Variants in KCNK10 observed in about 807,000 individuals in gnomAD.
KCNK10 encodes potassium two pore domain channel subfamily K member 10.
In KCNK10, 25 loss-of-function variants were observed where a neutral mutation model predicts 47.7. That is an observed-to-expected ratio of 0.52 (90% confidence interval 0.38 to 0.73). The LOEUF (loss-of-function observed/expected upper bound fraction) is 0.73. Among genes scored for constraint, KCNK10 ranks in the 30% least tolerant of loss-of-function variants. The pLI is 0.00. For synonymous variants in KCNK10, 303 were observed against 285.6 expected, an observed-to-expected ratio of 1.06 and a Z score of -0.61; for missense variants, 563 against 714.5, an observed-to-expected ratio of 0.79 and a Z score of 2.42.
intron 1 of KCNK10, among the ~76,000 whole-genome samples, chr14:88,264,933 C>T (rs1887213459): frequency 2.0e-5 from 3 of 152,136 alleles, no homozygotes; most frequent in Admixed American, 2.0e-4. Flanking sequence ...TACCACTGCC[C>T]ACATCTCCCA....
intron 1 of KCNK10, among the ~76,000 whole-genome samples, chr14:88,288,809 T>C (rs61977011): frequency 0.27 from 41,808 of 152,056 alleles, 6,809 homozygotes; most frequent in Non-Finnish European, 0.36. Context: ...CCTGGAACAG[T>C]CTTGCCCAGG....
rs186994891 is a variant in KCNK10 at position 88,254,439 on chromosome 14, T to C, written c.402+8763A>G. On this transcript the variant is annotated intron_variant, in intron 2 of 6. Transcript: ENST00000319231. ...CTATGACCAGAAGAAATGGCAGCCA[T>C]GGGACCACTCGAGCTCCCCTGAAGA... is the stretch of plus-strand genomic sequence containing the variant. Among the ~76,000 whole-genome samples, 11 of 152,278 alleles carry C rather than the reference T, an allele frequency of 7.2e-5. No homozygotes were observed. In the East Asian group the frequency reaches 2.1e-3, roughly 29 times the overall value.
upstream of KCNK10, among the ~76,000 whole-genome samples, chr14:88,324,421 C>T (rs1342506843): frequency 6.6e-6 from 1 of 152,140 alleles, no homozygotes; most frequent in African/African-American, 2.4e-5. Flanking sequence ...GAAATACTTG[C>T]TAAATGAAGA....
chr14:88,263,393 C>T lies in KCNK10; in HGVS notation c.211G>A (p.Val71Ile), dbSNP rs748640471. The T allele has an allele frequency of 7.4e-6, 12 of 1,613,996 alleles. No individual in the cohort carries two copies. The highest frequency in any genetic ancestry group is 2.2e-5 in the East Asian group (1 of 44,898). Residue 71 changes from valine (V) to isoleucine (I), a missense_variant, in exon 2 of 7, where the codon GTC becomes ATC. By Grantham distance (29) the Val-to-Ile change is conservative. Transcript: ENST00000319231. ...EGTSQGGLQTVMKWKTVVAIF... is the reference protein window; with the variant it reads ...EGTSQGGLQTIMKWKTVVAIF... ...GCAACCACCGTCTTCCACTTCATGACGGTCTGCAAGCCCCCTTGGGAGGTG... is the reference window on the plus strand; with the variant it reads ...GCAACCACCGTCTTCCACTTCATGATGGTCTGCAAGCCCCCTTGGGAGGTG...
At chr14:88,301,443 G>C (rs1888095997) in intron 1 of KCNK10, among the ~76,000 whole-genome samples, 1 of 151,686 alleles carries the variant, frequency 6.6e-6, no homozygotes, top group East Asian at 1.9e-4. Flanking sequence ...AAATTTTTTA[G>C]TTTTAGTTTA....
chr14:88,304,630 T>G (rs1259569378), intron 1 of KCNK10, among the ~76,000 whole-genome samples: 1 of 152,232 alleles, frequency 6.6e-6, no homozygotes, highest in African/African-American at 2.4e-5. Context: ...CTGTGATCTA[T>G]TTAGTGCCAT....
chr14:88,307,775 A>G (rs1371034690), intron 1 of KCNK10, among the ~76,000 whole-genome samples: 1 of 152,210 alleles, frequency 6.6e-6, no homozygotes, highest in Non-Finnish European at 1.5e-5. Flanking sequence ...AATAAATTAC[A>G]TATTATATGT....
At chr14:88,287,349 G>T (rs961475649) in intron 1 of KCNK10, among the ~76,000 whole-genome samples, 1 of 152,136 alleles carries the variant, frequency 6.6e-6, no homozygotes, top group African/African-American at 2.4e-5. Flanking sequence ...AGGTTTTTGG[G>T]GAAGAGGTGG....
chr14:88,234,860 C>T (rs532324167), intron 3 of KCNK10, among the ~76,000 whole-genome samples: 1 of 152,044 alleles, frequency 6.6e-6, no homozygotes, highest in African/African-American at 2.4e-5. Context: ...TAAGAACTAC[C>T]AAAAGAAGCG....
intron 2 of KCNK10, among the ~76,000 whole-genome samples, chr14:88,252,835 A>C (rs1245494411): frequency 1.3e-5 from 2 of 152,224 alleles, no homozygotes; most frequent in East Asian, 3.8e-4. Flanking sequence ...GGAAGAGGAC[A>C]GGAGAGAGAG....
intron 1 of KCNK10, among the ~76,000 whole-genome samples, chr14:88,292,805 G>A (rs916601609): frequency 3.3e-5 from 5 of 151,970 alleles, no homozygotes; most frequent in Non-Finnish European, 5.9e-5. Context: ...GCTAGTTTTT[G>A]TATTTTCAGT....
rs144490234 is a variant in KCNK10 at position 88,185,482 on chromosome 14, A to AACACACAC, written c.*45_*52dup. On this transcript the variant is annotated 3_prime_UTR_variant, in exon 7 of 7. Transcript: ENST00000319231. The surrounding 1 kb of genome is among the most constrained non-coding windows in gnomAD (Gnocchi z 4.3). ...CACATGTCTCAGTGTGAATATTAAA[A>AACACACAC]ACACACACACACACACACACAACGC... is the stretch of plus-strand genomic sequence containing the variant. 3 of 1,421,538 alleles carry AACACACAC rather than the reference A, an allele frequency of 2.1e-6. No homozygotes were observed. The highest frequency in any genetic ancestry group is 2.4e-5 in the East Asian group (1 of 41,422). The allele number at this position is 1,421,538 out of a possible 1,614,324, so 88.1% of individuals were successfully genotyped here.
At chr14:88,272,771 G>C (rs1280395217) in intron 1 of KCNK10, among the ~76,000 whole-genome samples, 1 of 152,104 alleles carries the variant, frequency 6.6e-6, no homozygotes, top group Admixed American at 6.5e-5. Context: ...TCGTCTGTGG[G>C]GGGTGTGGGT....
chr14:88,201,420 G>A (rs967104542), intron 4 of KCNK10, among the ~76,000 whole-genome samples: 8 of 152,198 alleles, frequency 5.3e-5, no homozygotes, highest in African/African-American at 1.9e-4. Context: ...CACTTTGGGA[G>A]GCCGAGAGGT....
chr14:88,214,181 C>T (rs1175990172), intron 4 of KCNK10, among the ~76,000 whole-genome samples: 3 of 151,896 alleles, frequency 2.0e-5, no homozygotes, highest in Non-Finnish European at 4.4e-5. Flanking sequence ...TCAGGTGATC[C>T]GCCCACCTCA....
Position 88,307,112 on chromosome 14 carries a change from G to A in KCNK10, c.52+15635C>T, listed in dbSNP as rs535946884. On this transcript the variant is annotated intron_variant, in intron 1 of 6. Transcript: ENST00000319231. The stretch of plus-strand genomic sequence containing the variant: ...ATGAGAAGGCCAAGGTCTTGCCTTG[G>A]AGCCAAGATGGACCTGAGCACAAAT... 2.0e-5 allele frequency among the ~76,000 whole-genome samples: 3 copies of A among 152,260 alleles called. No individual in the cohort carries two copies. In the South Asian group the frequency reaches 6.2e-4, roughly 32 times the overall value.
chr14:88,227,342 G>A (rs1181675664), intron 4 of KCNK10, 33 bp downstream of exon 4: 3 of 1,555,652 alleles, frequency 1.9e-6, no homozygotes, highest in Non-Finnish European at 2.6e-6. Context: ...CTGGATCACA[G>A]TGGTTAGAAT....
Position 88,186,135 on chromosome 14 carries a change from A to T in KCNK10, c.1032T>A (p.His344Gln). Residue 344 changes from histidine (H) to glutamine (Q), a missense_variant, in exon 7 of 7, where the codon CAT becomes CAA. Transcript: ENST00000319231. This position sits in a 1 kb window ranked among gnomAD's most constrained non-coding sequence, Gnocchi z 5.5. ...TGACATTGGCCTTCCACTCTGCCGC[A>T]TGGGCCTTGATTTCACCCACCTGGC... is the stretch of plus-strand genomic sequence containing the variant. ...TKEEVGEIKAHAAEWKANVTA... is the reference protein window; with the variant it reads ...TKEEVGEIKAQAAEWKANVTA... 1 of 1,590,892 alleles carries T rather than the reference A, an allele frequency of 6.3e-7. No individual in the cohort carries two copies. The highest frequency in any genetic ancestry group is 8.6e-7 in the Non-Finnish European group (1 of 1,168,366).
intron 1 of KCNK10, among the ~76,000 whole-genome samples, chr14:88,286,986 T>C (rs1347571679): frequency 6.6e-6 from 1 of 152,218 alleles, no homozygotes; most frequent in Non-Finnish European, 1.5e-5. Flanking sequence ...TTATTGTTCA[T>C]TACAATACCA....
Sources: gnomAD v4.1 joint callset for allele counts (sites outside exome capture counted in the v4.1 genomes callset) on GRCh38, gnomAD v4.1.1 for gene constraint, Gnocchi (gnomAD v3.1) non-coding constraint, MANE v1.5 for transcripts, NCBI Gene and HGNC (gene_info 2026-07-23, HGNC 2026-07-21) for gene names.